HEPACAM2: variants seen among roughly 807,000 people sequenced by gnomAD.
HEPACAM2 encodes HEPACAM family member 2.
In HEPACAM2, 49 loss-of-function variants were observed where a neutral mutation model predicts 49.6. The ratio of observed to expected loss-of-function variants is 0.99; its 90% confidence interval spans 0.78 to 1.25. The LOEUF is 1.25. HEPACAM2 is among the 50% of genes most tolerant of loss of function. HEPACAM2 has a pLI of 0.00. For missense variants in HEPACAM2, 525 were observed against 557.2 expected (o/e 0.94, Z 0.58); for synonymous variants, 197 against 202.9 (o/e 0.97, Z 0.25).
At chr7:93,214,144 T>C (rs1191461497) in intron 3 of HEPACAM2, among the ~76,000 whole-genome samples, 1 of 152,130 alleles carries the variant, frequency 6.6e-6, no homozygotes, top group Non-Finnish European at 1.5e-5. Flanking sequence ...ATATGGTAGG[T>C]AGTAATTGTT....
chr7:93,226,714 A>C (rs561438052), upstream of HEPACAM2, among the ~76,000 whole-genome samples: 1 of 152,220 alleles, frequency 6.6e-6, no homozygotes, highest in South Asian at 2.1e-4. Flanking sequence ...TTATTAAAAA[A>C]TCACATGAAG....
chr7:93,225,943 C>A (rs1017291706), intron 1 of HEPACAM2: 15 of 1,372,040 alleles, frequency 1.1e-5, no homozygotes, highest in Non-Finnish European at 1.3e-5. Context: ...AAACAGTTTG[C>A]AACAATATCT....
intron 1 of HEPACAM2, among the ~76,000 whole-genome samples, chr7:93,220,297 C>T (rs1794422506): frequency 6.6e-6 from 1 of 152,080 alleles, no homozygotes; most frequent in Non-Finnish European, 1.5e-5. Context: ...AGGGAGAACA[C>T]TTAGTTAGGA....
rs1208666449 is a variant in HEPACAM2, at chr7:93,188,735, T to C, written c.*532A>G. On this transcript the variant is annotated 3_prime_UTR_variant, in exon 10 of 10. Coordinates refer to ENST00000394468, the MANE Select transcript of HEPACAM2 (RefSeq NM_001039372.4). ...AAAAAGAGAAGGCATAGTTTTGTTT[T>C]TGTGACAACCATCCTTATTACTTTG... 4 of 323,384 alleles carry C rather than the reference T, an allele frequency of 1.2e-5. No individual in the cohort carries two copies. Among genetic ancestry groups the C allele is most frequent in the African/African-American group, 8.5e-5 (4 of 47,012 alleles). 20.0% of individuals were successfully genotyped at this position (323,384 alleles called of 1,614,324 possible).
At chr7:93,202,036 A>ACC (rs1476825912) in intron 4 of HEPACAM2, among the ~76,000 whole-genome samples, 164 of 21,416 alleles carry the variant, frequency 7.7e-3, no homozygotes, top group African/African-American at 0.019. Context: ...AAAAACCAAA[A>ACC]AAAAAAAAAA....
chr7:93,223,178 A>G (rs1275354543), intron 1 of HEPACAM2, among the ~76,000 whole-genome samples: 1 of 152,194 alleles, frequency 6.6e-6, no homozygotes, highest in Non-Finnish European at 1.5e-5. Flanking sequence ...AGCCATTGCA[A>G]AAGTCCTTCT....
chr7:93,217,299 A>G lies in HEPACAM2; in HGVS notation c.431-1614T>C, dbSNP rs1348682304. 2.0e-5 allele frequency among the ~76,000 whole-genome samples: 3 copies of G among 152,226 alleles called. 1 individual carries two copies. The highest frequency in any genetic ancestry group is 2.0e-4 in the Admixed American group (3 of 15,278). On this transcript the variant is annotated intron_variant, in intron 2 of 9. Coordinates refer to ENST00000394468, the MANE Select transcript of HEPACAM2 (RefSeq NM_001039372.4). The stretch of plus-strand genomic sequence containing the variant: ...ACCAATCATTAGAATAGTCACTGGT[A>G]TTGTGATCATACATTTGCTTAAAAC...
intron 4 of HEPACAM2, among the ~76,000 whole-genome samples, chr7:93,203,852 C>T (rs925161168): frequency 4.6e-5 from 7 of 152,050 alleles, no homozygotes; most frequent in South Asian, 2.1e-4. Flanking sequence ...CATGTCCCTC[C>T]GGAGATGAAG....
chr7:93,202,533 C>T lies in HEPACAM2; in HGVS notation c.1013-4923G>A, dbSNP rs565552698. Among the ~76,000 whole-genome samples the T allele has an allele frequency of 8.5e-5, 13 of 152,120 alleles. No individual in the cohort carries two copies. In the South Asian group the frequency reaches 2.5e-3, roughly 29 times the overall value. Reference sequence around the variant, plus strand: ...TTTTCCTCTAACTTTTTCTGACATACGACTTCATGTGCTTCAAATCTTTCA... The same window carrying T: ...TTTTCCTCTAACTTTTTCTGACATATGACTTCATGTGCTTCAAATCTTTCA... On this transcript the variant is annotated intron_variant, in intron 4 of 9. Transcript: ENST00000394468.
intron 2 of HEPACAM2, among the ~76,000 whole-genome samples, chr7:93,218,737 T>C (rs1450328478): frequency 6.6e-6 from 1 of 152,118 alleles, no homozygotes; most frequent in Admixed American, 6.5e-5. Context: ...ACAAAAATCT[T>C]CATGACAAAA....
upstream of HEPACAM2, among the ~76,000 whole-genome samples, chr7:93,229,757 C>T (rs1480930709): frequency 1.3e-5 from 2 of 152,114 alleles, no homozygotes; most frequent in Non-Finnish European, 2.9e-5. Flanking sequence ...TGTGAAAGTC[C>T]TGAATAAATC....
At chr7:93,190,920 T>C (rs1209804437) in intron 9 of HEPACAM2, among the ~76,000 whole-genome samples, 1 of 152,078 alleles carries the variant, frequency 6.6e-6, no homozygotes, top group Non-Finnish European at 1.5e-5. Context: ...AGTTGTCATT[T>C]GGTTTGTTTA....
intron 4 of HEPACAM2, among the ~76,000 whole-genome samples, chr7:93,207,056 T>C (rs572479357): frequency 1.3e-5 from 2 of 152,208 alleles, no homozygotes; most frequent in African/African-American, 4.8e-5. Context: ...TTAATGAAGC[T>C]ACATTTTTAG....
At position 93,192,274 on chromosome 7, in the gene HEPACAM2, G is replaced by T; in HGVS notation, c.1365C>A (p.Ala455=). 6.2e-7 allele frequency: 1 copy of T among 1,612,136 alleles called. No individual in the cohort carries two copies. The highest frequency in any genetic ancestry group is 8.5e-7 in the Non-Finnish European group (1 of 1,178,640). ...TVYEVIQHIP[A]QQQDHPE is the part of the protein sequence containing the mutation. ...CTTACTCTGGATGGTCTTGCTGCTG[G>T]GCAGGGATGTGCTGAATAACTTCAT... Residue 455 remains alanine (A), a synonymous_variant, in exon 9 of 10, where the codon GCC becomes GCA. Transcript: ENST00000394468.
In HEPACAM2 at chr7:93,207,275, C is replaced by T. The variant is rs971560044; in HGVS notation, c.1012+1305G>A. ...TAGAAAAGATATTAATGAGTAGTAG[C>T]TTTTATAAACTTGTTCTTCCACCAG... On this transcript the variant is annotated intron_variant, in intron 4 of 9. Coordinates refer to ENST00000394468, the MANE Select transcript of HEPACAM2 (RefSeq NM_001039372.4). Among the ~76,000 whole-genome samples, 3 of 152,070 alleles carry T rather than the reference C, an allele frequency of 2.0e-5. No homozygotes were observed. In the South Asian group the frequency reaches 6.2e-4, roughly 31 times the overall value.
At chr7:93,232,087 T>C in the HEPACAM2 span, among the ~76,000 whole-genome samples, 1 of 152,154 alleles carries the variant, frequency 6.6e-6, no homozygotes, top group Non-Finnish European at 1.5e-5. Context: ...CTGAGTTTGA[T>C]CTTTCGCTCA....
upstream of HEPACAM2, among the ~76,000 whole-genome samples, chr7:93,230,362 G>C (rs1163010252): frequency 1.3e-5 from 2 of 152,152 alleles, no homozygotes; most frequent in African/African-American, 4.8e-5. Flanking sequence ...ACATGCTAGA[G>C]CTGGACTGCC....
chr7:93,218,748 A>G (rs149541698), intron 2 of HEPACAM2, among the ~76,000 whole-genome samples: 5 of 152,248 alleles, frequency 3.3e-5, no homozygotes, highest in Admixed American at 6.5e-5. Context: ...CATGACAAAA[A>G]TAGGACTCTT....
rs1482236789 is a variant in HEPACAM2, at chr7:93,192,255, C to T, written c.1384G>A (p.Glu462Lys). 1 of 1,608,114 alleles carries T rather than the reference C, an allele frequency of 6.2e-7. No individual in the cohort carries two copies. The highest frequency in any genetic ancestry group is 1.1e-5 in the South Asian group (1 of 90,888). The change falls in exon 9 of 10, where the codon GAG becomes AAG. Residue 462 changes from glutamate to lysine, a missense_variant and splice_region_variant. By Grantham distance (56) the Glu-to-Lys change is moderately conservative (BLOSUM62 1). Transcript: ENST00000394468. ...HIPAQQQDHP[E>K] ...CATCAAATGCAGATTCGTACTTACT[C>T]TGGATGGTCTTGCTGCTGGGCAGGG...
Sources: gnomAD v4.1 joint callset for allele counts (sites outside exome capture counted in the v4.1 genomes callset) on GRCh38, gnomAD v4.1.1 for gene constraint, MANE v1.5 for transcripts, NCBI Gene and HGNC (gene_info 2026-07-23, HGNC 2026-07-21) for gene names.